ACAT2: variants seen among roughly 807,000 people sequenced by gnomAD.
The protein encoded by ACAT2 is acetyl-CoA acetyltransferase 2.
In ACAT2, 26 loss-of-function variants were observed where a neutral mutation model predicts 37.1. The ratio of observed to expected loss-of-function variants is 0.70; its 90% confidence interval spans 0.51 to 0.97. The LOEUF is 0.97. Ranked by LOEUF, ACAT2 falls within the 50% of genes least tolerant of loss-of-function variation. ACAT2 has a pLI of 0.00. For synonymous variants in ACAT2, 156 were observed against 163.6 expected (o/e 0.95, Z 0.35); for missense variants, 468 against 489.0 (o/e 0.96, Z 0.40).
At position 159,767,090 on chromosome 6, in the gene ACAT2, T is replaced by C. The variant is rs1179218740; in HGVS notation, c.276T>C (p.Cys92=). The part of the protein sequence containing the change: ...SVPAWSCQMI[C]GSGLKAVCLA... ...CAGCATGGAGCTGCCAGATGATCTGTGGGTCAGGCCTAAAAGCTGTGTGCC... is the reference window on the plus strand; with the variant it reads ...CAGCATGGAGCTGCCAGATGATCTGCGGGTCAGGCCTAAAAGCTGTGTGCC... Residue 92 remains cysteine (C), a synonymous_variant, in exon 3 of 9, where the codon TGT becomes TGC. Transcript: ENST00000367048. 2 of 1,614,182 alleles carry C rather than the reference T, an allele frequency of 1.2e-6. No homozygotes were observed. Among genetic ancestry groups the C allele is most frequent in the Non-Finnish European group, 1.7e-6 (2 of 1,180,022 alleles).
In ACAT2 at chr6:159,776,462, C is replaced by CCCCT. The variant is rs532798844; in HGVS notation, c.757+191_757+194dup. Among the ~76,000 whole-genome samples, 173 of 152,284 alleles carry CCCCT rather than the reference C, an allele frequency of 1.1e-3. 5 individuals are homozygous for CCCCT. In the South Asian group the frequency reaches 0.034, roughly 30 times the overall value. On this transcript the variant is annotated intron_variant, in intron 6 of 8. Transcript: ENST00000367048. ...CTCAAACTCCTGGGCTCAAGTGAGC[C>CCCCT]CCCTGCCTTAACCTCCCAAGTAGCT...
At chr6:159,778,610 A>G in intron 8 of ACAT2, 49 bp from the exon 9 acceptor site, 1 of 1,585,912 alleles carries the variant, frequency 6.3e-7, no homozygotes, top group South Asian at 1.1e-5. Context: ...AAGATTTTAA[A>G]CTGTGTCCAC....
At chr6:159,764,291 G>A (rs143613798) in intron 2 of ACAT2, among the ~76,000 whole-genome samples, 139 of 152,164 alleles carry the variant, frequency 9.1e-4, no homozygotes, top group Non-Finnish European at 1.6e-3. Flanking sequence ...GCCCTCTTAG[G>A]GCTCAGTTCT....
At chr6:159,769,251 G>A (rs1366918800) in intron 4 of ACAT2, among the ~76,000 whole-genome samples, 1 of 152,184 alleles carries the variant, frequency 6.6e-6, no homozygotes, top group Non-Finnish European at 1.5e-5. Flanking sequence ...ATGCTAGGAA[G>A]GAAGGAAGGG....
At chr6:159,777,061 A>T (rs1472886568) in intron 6 of ACAT2, among the ~76,000 whole-genome samples, 1 of 152,250 alleles carries the variant, frequency 6.6e-6, no homozygotes, top group East Asian at 1.9e-4. Flanking sequence ...TGCTGGGATT[A>T]CAGGCGTGAG....
intron 4 of ACAT2, among the ~76,000 whole-genome samples, chr6:159,773,795 G>C (rs1780374464): frequency 6.6e-6 from 1 of 152,174 alleles, no homozygotes; most frequent in South Asian, 2.1e-4. Context: ...AAATGTATGA[G>C]TCCATCCTGA....
intron 4 of ACAT2, among the ~76,000 whole-genome samples, chr6:159,770,881 A>G (rs1360965167): frequency 1.3e-5 from 2 of 152,128 alleles, no homozygotes; most frequent in Non-Finnish European, 2.9e-5. Flanking sequence ...CCTGGCCAAC[A>G]TGGGGAAACC....
chr6:159,762,157 G>A lies in ACAT2; in HGVS notation c.55+15G>A. 1 of 1,608,428 alleles carries A rather than the reference G, an allele frequency of 6.2e-7. No individual in the cohort carries two copies. The highest frequency in any genetic ancestry group is 8.5e-7 in the Non-Finnish European group (1 of 1,177,212). ...GACCATCATAGGTGAGTGGCCGGCGGGAGCCGCGCAGAGTCCGAGGCGCCT... is the reference window on the plus strand; with the variant it reads ...GACCATCATAGGTGAGTGGCCGGCGAGAGCCGCGCAGAGTCCGAGGCGCCT... On this transcript the variant is annotated intron_variant, in intron 1 of 8. Transcript: ENST00000367048.
intron 4 of ACAT2, 142 bp downstream of exon 4, chr6:159,768,770 GAAGT>G (rs1409090046): frequency 3.8e-6 from 2 of 526,250 alleles, no homozygotes; most frequent in Non-Finnish European, 6.8e-6. Context: ...TAACTGAAGT[GAAGT>G]AAGTATTCTC....
chr6:159,775,950 A>C, intron 5 of ACAT2, 200 bp from the exon 6 acceptor site: 1 of 523,828 alleles, frequency 1.9e-6, no homozygotes, highest in Non-Finnish European at 3.3e-6. Flanking sequence ...CAGGTGTCTC[A>C]TAAGGACATA....
Position 159,762,059 on chromosome 6 carries a change from G to T in ACAT2, c.-29G>T, listed in dbSNP as rs1257285043. 1 of 1,611,536 alleles carries T rather than the reference G, an allele frequency of 6.2e-7. No homozygotes were observed. Among genetic ancestry groups the T allele is most frequent in the East Asian group, 2.2e-5 (1 of 44,780 alleles). On this transcript the variant is annotated 5_prime_UTR_variant, in exon 1 of 9. Transcript: ENST00000367048. ...GAGCTTTGCCTAGCTTGCAGGCAGCGCAGGGCAGACGGCGGCAGGAGAAGC... is the reference window on the plus strand; with the variant it reads ...GAGCTTTGCCTAGCTTGCAGGCAGCTCAGGGCAGACGGCGGCAGGAGAAGC...
intron 8 of ACAT2, 149 bp from the exon 9 acceptor site, chr6:159,778,510 A>T: frequency 1.1e-6 from 1 of 891,950 alleles, no homozygotes; most frequent in Non-Finnish European, 1.6e-6. Flanking sequence ...AATTTTCACA[A>T]AGGTGTAAAT....
intron 3 of ACAT2, among the ~76,000 whole-genome samples, chr6:159,768,220 T>C (rs550914027): frequency 2.6e-4 from 39 of 152,278 alleles, no homozygotes; most frequent in Admixed American, 2.2e-3. Context: ...ATTGCCTCGA[T>C]GGAAAGAATA....
chr6:159,767,278 C>A, intron 3 of ACAT2, 92 bp downstream of exon 3: 1 of 1,330,968 alleles, frequency 7.5e-7, no homozygotes, highest in Non-Finnish European at 1.1e-6. Context: ...CATAGCAGAG[C>A]TGGAACCAAA....
Position 159,768,593 on chromosome 6 carries a change from C to T in ACAT2, c.455C>T (p.Thr152Ile). 1.9e-6 allele frequency: 3 copies of T among 1,613,462 alleles called. No individual in the cohort carries two copies. The highest frequency in any genetic ancestry group is 2.5e-6 in the Non-Finnish European group (3 of 1,179,412). The change falls in exon 4 of 9, where the codon ACA (threonine) becomes ATA (isoleucine). Residue 152 changes from threonine (T) to isoleucine (I), a missense_variant. Physicochemically the swap from Thr to Ile is moderately conservative, Grantham distance 89 (BLOSUM62 -1). Transcript: ENST00000367048. ...LTDSILCDGL[T>I]DAFHNCHMGI... ...GACAGTATACTCTGTGATGGTCTTA[C>T]AGATGCATTTCACAACTGTCATATG...
chr6:159,767,069 A>T lies in ACAT2; in HGVS notation c.255A>T (p.Ala85=). Residue 85 remains alanine (A), a synonymous_variant, in exon 3 of 9, where the codon GCA becomes GCT. Coordinates refer to ENST00000367048, the MANE Select transcript of ACAT2 (RefSeq NM_005891.3). ...CAGGAATTCCCTACTCTGTTCCAGCATGGAGCTGCCAGATGATCTGTGGGT... is the reference window on the plus strand; with the variant it reads ...CAGGAATTCCCTACTCTGTTCCAGCTTGGAGCTGCCAGATGATCTGTGGGT... ...VGAGIPYSVP[A]WSCQMICGSG... 3.7e-6 allele frequency: 6 copies of T among 1,614,192 alleles called. No homozygotes were observed. Among genetic ancestry groups the T allele is most frequent in the Non-Finnish European group, 5.1e-6 (6 of 1,179,998 alleles).
Position 159,778,832 on chromosome 6 carries a change from T to A in ACAT2, c.*3T>A, listed in dbSNP as rs373691244. ...CAATGTGTGTTCAGAGAGAATGAAT[T>A]GCTTAAACTTTGAACAACCTCAATT... On this transcript the variant is annotated 3_prime_UTR_variant, in exon 9 of 9. Coordinates refer to ENST00000367048, the MANE Select transcript of ACAT2 (RefSeq NM_005891.3). 8.1e-6 allele frequency: 13 copies of A among 1,613,970 alleles called. No individual in the cohort carries two copies. Among genetic ancestry groups the A allele is most frequent in the Non-Finnish European group, 5.9e-6 (7 of 1,179,970 alleles).
chr6:159,762,909 T>C lies in ACAT2; in HGVS notation c.56-10T>C. ...TTGTGATGTCCACGCTCTCCGCCTT[T>C]CTATTGTAGGTTCCTTCAATGGTGC... On this transcript the variant is annotated splice_polypyrimidine_tract_variant and intron_variant, in intron 1 of 8. Coordinates refer to ENST00000367048, the MANE Select transcript of ACAT2 (RefSeq NM_005891.3). The C allele has an allele frequency of 6.2e-7, 1 of 1,609,320 alleles. No individual in the cohort carries two copies. Among genetic ancestry groups the C allele is most frequent in the Non-Finnish European group, 8.5e-7 (1 of 1,177,708 alleles).
In ACAT2 at chr6:159,762,047, CT is replaced by C; in HGVS notation, c.-39del. 1 of 1,608,688 alleles carries C rather than the reference CT, an allele frequency of 6.2e-7. No individual in the cohort carries two copies. Among genetic ancestry groups the C allele is most frequent in the Non-Finnish European group, 8.5e-7 (1 of 1,177,168 alleles). ...GGCTGCGAGGAGGAGCTTTGCCTAGCTTGCAGGCAGCGCAGGGCAGACGGCG... is the reference window on the plus strand; with the variant it reads ...GGCTGCGAGGAGGAGCTTTGCCTAGCTGCAGGCAGCGCAGGGCAGACGGCG... On this transcript the variant is annotated 5_prime_UTR_variant, in exon 1 of 9. Coordinates refer to ENST00000367048, the MANE Select transcript of ACAT2 (RefSeq NM_005891.3).
Sources: allele counts gnomAD v4.1 joint callset (sites outside exome capture counted in the v4.1 genomes callset), GRCh38; gene constraint gnomAD v4.1.1; transcripts MANE v1.5; gene names NCBI Gene and HGNC (gene_info 2026-07-23, HGNC 2026-07-21).